The following CHL1 variants were observed in gnomAD, a reference collection of about 807,000 sequenced individuals.
The protein encoded by CHL1 is neural cell adhesion molecule L1-like protein.
CHL1 carries 96 observed loss-of-function variants against 141.9 expected under a neutral mutation model. That is an observed-to-expected ratio of 0.68 (90% CI 0.57 to 0.80). CHL1 has a LOEUF of 0.80. CHL1 is among the 30% of genes least tolerant of loss of function. The pLI is 0.00. For missense variants in CHL1, 1,820 were observed against 1,457.2 expected, an observed-to-expected ratio of 1.25 and a Z score of -4.05; for synonymous variants, 613 against 502.2, an observed-to-expected ratio of 1.22 and a Z score of -2.95.
At chr3:391,188 C>A in intron 22 of CHL1, 29 bp downstream of exon 22, 1 of 1,530,878 alleles carries the variant, frequency 6.5e-7, no homozygotes, top group South Asian at 1.1e-5. Context: ...AGAGTCATGT[C>A]AAAAATGGAG....
At chr3:251,588 T>A (rs548200422) in intron 2 of CHL1, among the ~76,000 whole-genome samples, 10 of 152,282 alleles carry the variant, frequency 6.6e-5, no homozygotes, top group African/African-American at 2.4e-4. Context: ...TTGGATTAAA[T>A]GGTTTCAAGA....
intron 15 of CHL1, among the ~76,000 whole-genome samples, chr3:372,108 A>G (rs145177529): frequency 8.5e-5 from 13 of 152,162 alleles, no homozygotes; most frequent in African/African-American, 2.2e-4. Flanking sequence ...CTCATGGAGT[A>G]TCTTAGTGGT....
chr3:271,164 A>G (rs1157673319), intron 2 of CHL1, among the ~76,000 whole-genome samples: 2 of 152,180 alleles, frequency 1.3e-5, no homozygotes, highest in Non-Finnish European at 2.9e-5. Context: ...TCCATTTCCT[A>G]AGGATTGTGG....
intron 1 of CHL1, among the ~76,000 whole-genome samples, chr3:218,914 A>G (rs567827581): frequency 1.2e-4 from 19 of 152,306 alleles, no homozygotes; most frequent in African/African-American, 4.6e-4. Context: ...TGGGAGGCCA[A>G]GACGGGCGGA....
At position 349,414 on chromosome 3, in the gene CHL1, G is replaced by C. The variant is rs1284902364; in HGVS notation, c.904G>C (p.Glu302Gln). ...TGGTGGTGACTTACCAAAGGGGAGA[G>C]AAACAAAAGAAAATTATGGCAAGAC... ...KIGGDLPKGR[E>Q]TKENYGKTLK... Residue 302 changes from glutamate (E) to glutamine (Q), a missense_variant, in exon 10 of 28, where the codon GAA becomes CAA. Coordinates refer to ENST00000256509, the MANE Select transcript of CHL1 (RefSeq NM_006614.4). 6.2e-7 allele frequency: 1 copy of C among 1,613,930 alleles called. No individual in the cohort carries two copies. The highest frequency in any genetic ancestry group is 8.5e-7 in the Non-Finnish European group (1 of 1,179,824).
chr3:201,368 A>C (rs1698918559), intron 1 of CHL1, among the ~76,000 whole-genome samples: 2 of 152,220 alleles, frequency 1.3e-5, no homozygotes, highest in South Asian at 4.1e-4. Context: ...TAAAAATACA[A>C]AGGGACATAT....
chr3:342,968 C>T lies in CHL1; in HGVS notation c.680-16C>T, dbSNP rs767039608. The T allele has an allele frequency of 2.7e-5, 43 of 1,593,586 alleles. No homozygotes were observed. Among genetic ancestry groups the T allele is most frequent in the South Asian group, 5.8e-5 (5 of 86,928 alleles). ...CCATTATGTTTGTGTTTTTTCCTTC[C>T]GTTTTTTTATTTCAGTAAAGCATGC... On this transcript the variant is annotated splice_polypyrimidine_tract_variant and intron_variant, in intron 7 of 27. Coordinates refer to ENST00000256509, the MANE Select transcript of CHL1 (RefSeq NM_006614.4).
At chr3:349,271 C>G (rs1282287585) in intron 9 of CHL1, 88 bp from the exon 10 acceptor site, 5 of 1,149,108 alleles carry the variant, frequency 4.4e-6, no homozygotes, top group Non-Finnish European at 6.2e-6. Flanking sequence ...TGTAAAAGCA[C>G]CCTGATAAAG....
intron 2 of CHL1, among the ~76,000 whole-genome samples, chr3:312,413 A>G (rs1430829748): frequency 6.6e-6 from 1 of 152,186 alleles, no homozygotes; most frequent in African/African-American, 2.4e-5. Context: ...AGCCATTAAC[A>G]GTTATTTCAG....
At chr3:328,400 G>A (rs1041837784) in intron 5 of CHL1, 46 bp downstream of exon 5, 1 of 1,467,584 alleles carries the variant, frequency 6.8e-7, no homozygotes, top group African/African-American at 1.4e-5. Context: ...TTTTAGTGAA[G>A]TGTTAAATAG....
At chr3:384,684 A>T (rs991195662) in intron 19 of CHL1, 1 of 152,218 alleles carries the variant, frequency 6.6e-6, no homozygotes, top group African/African-American at 2.4e-5. Flanking sequence ...CTAAAAGGAA[A>T]TTATCATTCA....
chr3:337,873 T>C (rs1007390236), intron 5 of CHL1, among the ~76,000 whole-genome samples: 12 of 152,206 alleles, frequency 7.9e-5, no homozygotes, highest in African/African-American at 2.7e-4. Context: ...TTTATAATCC[T>C]TTGGGTATAT....
At chr3:353,528 G>A (rs566762273) in intron 10 of CHL1, among the ~76,000 whole-genome samples, 12 of 152,154 alleles carry the variant, frequency 7.9e-5, no homozygotes, top group Non-Finnish European at 1.6e-4. Context: ...TAACAATTAA[G>A]TCCACACCCT....
Position 399,063 on chromosome 3 carries a change from T to C in CHL1, c.3300T>C (p.Ile1100=), listed in dbSNP as rs967236088. The C allele has an allele frequency of 6.8e-6, 11 of 1,610,754 alleles. No homozygotes were observed. The highest frequency in any genetic ancestry group is 9.3e-6 in the Non-Finnish European group (11 of 1,177,038). Residue 1100 remains isoleucine, a synonymous_variant, in exon 26 of 28, where the codon ATT becomes ATC. Transcript: ENST00000256509. The part of the protein sequence containing the change: ...YDDISTQGWF[I]GLMCAIALLT... ...ACATCTCCACTCAAGGCTGGTTTAT[T>C]GGACTGATGTGTGCGATTGCTCTTC...
At chr3:197,805 C>G (rs1698495320) in intron 1 of CHL1, 1 of 455,646 alleles carries the variant, frequency 2.2e-6, no homozygotes, top group South Asian at 1.5e-5. Flanking sequence ...GTAGCGGAGC[C>G]CGGGGGGCTG....
intron 11 of CHL1, among the ~76,000 whole-genome samples, chr3:358,863 T>G (rs1276154043): frequency 1.8e-4 from 28 of 151,658 alleles, no homozygotes. Flanking sequence ...GATTGATTAT[T>G]AATCTTGTAA....
At chr3:211,590 C>T (rs928066972) in intron 1 of CHL1, among the ~76,000 whole-genome samples, 1 of 152,178 alleles carries the variant, frequency 6.6e-6, no homozygotes, top group East Asian at 1.9e-4. Context: ...CGCTTAGGAA[C>T]CATACATACT....
intron 8 of CHL1, 148 bp from the exon 9 acceptor site, chr3:344,441 A>G (rs1702591581): frequency 1.8e-6 from 1 of 559,644 alleles, no homozygotes; most frequent in Admixed American, 3.4e-5. Context: ...GTCTATTTAA[A>G]TGGAAATATG....
At chr3:377,480 G>T (rs545373947) in intron 15 of CHL1, among the ~76,000 whole-genome samples, 6 of 152,256 alleles carry the variant, frequency 3.9e-5, no homozygotes, top group Admixed American at 3.9e-4. Context: ...CATACCTTAA[G>T]AATTACTCAA....
Sources: gnomAD v4.1 joint callset for allele counts (sites outside exome capture counted in the v4.1 genomes callset) on GRCh38, gnomAD v4.1.1 for gene constraint, MANE v1.5 for transcripts, NCBI Gene and HGNC (gene_info 2026-07-23, HGNC 2026-07-21) for gene names.